Variants in DNAH17 observed in about 807,000 individuals in gnomAD.
DNAH17 encodes the protein dynein axonemal heavy chain 17, also known as axonemal beta dynein heavy chain 17.
Under a neutral mutation model 485.6 loss-of-function variants are expected in DNAH17, and 376 were observed. That is an observed-to-expected ratio of 0.77 (90% confidence interval 0.71 to 0.84). The LOEUF (loss-of-function observed/expected upper bound fraction) is 0.84. Among genes scored for constraint, DNAH17 ranks in the 40% least tolerant of loss-of-function variants. The probability of loss-of-function intolerance (pLI) is 0.00; values close to 1 mark genes in which losing one functional copy is unlikely to be tolerated. For missense variants in DNAH17, 6,370 were observed against 5,839.3 expected (o/e 1.09, Z -2.96); for synonymous variants, 3,031 against 2,405.9 (o/e 1.26, Z -7.60).
chr17:78,532,903 C>T (rs909272542), intron 19 of DNAH17, 167 bp from the exon 20 acceptor site: 58 of 760,282 alleles, frequency 7.6e-5, no homozygotes, highest in Admixed American at 2.4e-4. Flanking sequence ...CCTCTTTAGG[C>T]AACCTGGTGG....
intron 6 of DNAH17, 104 bp from the exon 7 acceptor site, chr17:78,570,476 G>T (rs986520885): frequency 1.4e-6 from 2 of 1,431,468 alleles, no homozygotes; most frequent in Non-Finnish European, 9.3e-7. Context: ...GTATCCAGCA[G>T]AGGGTTCCCA....
rs185700541 is a variant in DNAH17 at position 78,489,005 on chromosome 17, C to A, written c.6818+1694G>T. ...TCCAGCACTGGGAGAGGATAAATGTCTGTTGTTTGAAGCTGCCCCATTAGT... is the reference window on the plus strand; with the variant it reads ...TCCAGCACTGGGAGAGGATAAATGTATGTTGTTTGAAGCTGCCCCATTAGT... On this transcript the variant is annotated intron_variant, in intron 44 of 80. Coordinates refer to ENST00000389840, the MANE Select transcript of DNAH17 (RefSeq NM_173628.4). Among the ~76,000 whole-genome samples, 338 of 152,270 alleles carry A rather than the reference C, an allele frequency of 2.2e-3. 1 individual carries two copies. Among genetic ancestry groups the A allele is most frequent in the African/African-American group, 7.2e-3 (300 of 41,548 alleles).
chr17:78,566,002 C>T (rs2092259615), intron 11 of DNAH17, among the ~76,000 whole-genome samples: 1 of 151,984 alleles, frequency 6.6e-6, no homozygotes, highest in Non-Finnish European at 1.5e-5. Context: ...AAACAAACCC[C>T]TTAAAACTAA....
At chr17:78,456,363 G>A (rs762320360) in intron 62 of DNAH17, among the ~76,000 whole-genome samples, 1 of 152,154 alleles carries the variant, frequency 6.6e-6, no homozygotes, top group Non-Finnish European at 1.5e-5. Context: ...TAGGAATGCT[G>A]TGTTTCCTCT....
In DNAH17 at chr17:78,507,643, G is replaced by C. The variant is rs1438674259; in HGVS notation, c.4399C>G (p.His1467Asp). 3 of 1,613,934 alleles carry C rather than the reference G, an allele frequency of 1.9e-6. No individual in the cohort carries two copies. In the African/African-American group the frequency reaches 4.0e-5, roughly 22 times the overall value. The change falls in exon 28 of 81, where the codon CAC becomes GAC. Residue 1467 changes from histidine (H) to aspartate (D), a missense_variant. His to Asp is a moderately conservative substitution (Grantham distance 81, BLOSUM62 -1). Coordinates refer to ENST00000389840, the MANE Select transcript of DNAH17 (RefSeq NM_173628.4). ...CAGCTTGTCACCTCCTTCAGGAAGT[G>C]GGCCAGGTACTTGGACATCATCAGG... Reference protein sequence around the residue: ...QNLMMSKYLAHFLKEVTSWQQ... With the variant: ...QNLMMSKYLADFLKEVTSWQQ...
intron 8 of DNAH17, 58 bp downstream of exon 8, chr17:78,569,317 G>A (rs775610464): frequency 9.5e-5 from 153 of 1,602,682 alleles, no homozygotes; most frequent in Admixed American, 1.7e-4. Flanking sequence ...ATCAAATATC[G>A]GGGCTCATAT....
chr17:78,426,615 G>T lies in DNAH17; in HGVS notation c.12772-15C>A. On this transcript the variant is annotated splice_polypyrimidine_tract_variant and intron_variant, in intron 78 of 80. Transcript: ENST00000389840. ...GTCAGTTCTCCCTAGGAGACACACA[G>T]ATGGGTGTGGGGAGCCCTGAGCTGG... 4.4e-6 allele frequency: 7 copies of T among 1,592,212 alleles called. No individual in the cohort carries two copies. The highest frequency in any genetic ancestry group is 5.1e-6 in the Non-Finnish European group (6 of 1,167,110).
intron 55 of DNAH17, among the ~76,000 whole-genome samples, chr17:78,467,996 C>T (rs1033905369): frequency 7.2e-6 from 1 of 137,986 alleles, no homozygotes; most frequent in Non-Finnish European, 1.5e-5. Flanking sequence ...CCAGCCTGGG[C>T]GACAAGTGAA....
At position 78,454,706 on chromosome 17, in the gene DNAH17, C is replaced by T; in HGVS notation, c.10171-1G>A. On this transcript the variant is annotated splice_acceptor_variant, in intron 63 of 80. Transcript: ENST00000389840. LOFTEE classifies it high-confidence loss of function. Reference sequence around the variant, plus strand: ...GGCCATTCGTGATCGGGATGGGGACCTGCCCAGGGAGGCACACTTTCTTAG... The same window carrying T: ...GGCCATTCGTGATCGGGATGGGGACTTGCCCAGGGAGGCACACTTTCTTAG... 1 of 1,610,994 alleles carries T rather than the reference C, an allele frequency of 6.2e-7. No individual in the cohort carries two copies. The highest frequency in any genetic ancestry group is 8.5e-7 in the Non-Finnish European group (1 of 1,179,352).
rs191056062 is a variant in DNAH17, at chr17:78,515,945, T to A, written c.3865-923A>T. 8.9e-4 allele frequency among the ~76,000 whole-genome samples: 135 copies of A among 152,182 alleles called. 2 individuals are homozygous for A. Among genetic ancestry groups the A allele is most frequent in the East Asian group, 1.4e-3 (7 of 5,182 alleles). On this transcript the variant is annotated intron_variant, in intron 25 of 80. Transcript: ENST00000389840. ...ACAATATGAAACAAAATATACAAAC[T>A]ACCCAGGAATAACCCCACCAACAGT... is the stretch of plus-strand genomic sequence containing the variant.
chr17:78,507,698 C>A lies in DNAH17; in HGVS notation c.4344G>T (p.Thr1448=), dbSNP rs372915299. The A allele has an allele frequency of 1.2e-6, 2 of 1,610,528 alleles. No individual in the cohort carries two copies. Among genetic ancestry groups the A allele is most frequent in the South Asian group, 2.2e-5 (2 of 91,004 alleles). The part of the protein sequence containing the change: ...MLKSSEVLVE[T]LEDNQVQLQN... ...GCAGCTGCACCTGGTTGTCCTCCAG[C>A]GTCTCCACCAGCACCTCGCTGGACT... Residue 1448 remains threonine, a synonymous_variant, in exon 28 of 81, where the codon ACG becomes ACT. Coordinates refer to ENST00000389840, the MANE Select transcript of DNAH17 (RefSeq NM_173628.4).
At chr17:78,503,736 C>T (rs991830860) in intron 31 of DNAH17, among the ~76,000 whole-genome samples, 18 of 151,860 alleles carry the variant, frequency 1.2e-4, no homozygotes, top group Admixed American at 9.8e-4. Context: ...GAGGCTGAGG[C>T]GGGTGGATCA....
At chr17:78,429,078 A>T in intron 76 of DNAH17, 43 bp downstream of exon 76, 13 of 1,583,180 alleles carry the variant, frequency 8.2e-6, no homozygotes, top group African/African-American at 1.3e-5. Flanking sequence ...GGGAGGCACG[A>T]GCCTTCATTA....
At chr17:78,500,145 G>A (rs1241071946) in intron 36 of DNAH17, 160 bp downstream of exon 36, 5 of 762,268 alleles carry the variant, frequency 6.6e-6, no homozygotes, top group South Asian at 6.0e-5. Context: ...ACCTGAGGGG[G>A]ATGCTACCAG....
chr17:78,425,386 A>C lies in DNAH17; in HGVS notation c.13101T>G (p.Pro4367=), dbSNP rs36119275. ...CGTACACGTAGGAGCCCTCTCGCGG[A>C]GGAGCGGTCATGTCCTCTCGGTTTT... ...TKKNREDMTA[P]PREGSYVYGL... The change falls in exon 80 of 81, where the codon CCT becomes CCG. Residue 4367 remains proline (P), a synonymous_variant. Coordinates refer to ENST00000389840, the MANE Select transcript of DNAH17 (RefSeq NM_173628.4). 1 of 1,613,752 alleles carries C rather than the reference A, an allele frequency of 6.2e-7. No individual in the cohort carries two copies. The highest frequency in any genetic ancestry group is 1.7e-5 in the Admixed American group (1 of 60,004).
intron 65 of DNAH17, 36 bp downstream of exon 65, chr17:78,453,307 T>TAC: frequency 6.2e-7 from 1 of 1,607,722 alleles, no homozygotes; most frequent in Non-Finnish European, 8.5e-7. Context: ...TGAAGATGTT[T>TAC]ACCTGGCTCA....
chr17:78,426,889 C>T (rs780131093), intron 78 of DNAH17, 37 bp downstream of exon 78: 1 of 1,568,266 alleles, frequency 6.4e-7, no homozygotes, highest in Non-Finnish European at 8.6e-7. Flanking sequence ...TTTCACCATC[C>T]AGCCACGTCC....
At chr17:78,538,427 A>G (rs2091435910) in intron 18 of DNAH17, among the ~76,000 whole-genome samples, 1 of 152,178 alleles carries the variant, frequency 6.6e-6, no homozygotes, top group African/African-American at 2.4e-5. Context: ...CCAGGCTGTG[A>G]GATCACACTG....
rs771845925 is a variant in DNAH17, at chr17:78,575,029, T to G, written c.29A>C (p.Glu10Ala). The stretch of plus-strand genomic sequence containing the variant: ...GATGGAGGCAACTTCCTCCAGATAC[T>G]CTAGTCTGACGTCCGGGGCCATTGT... MTMAPDVRL[E>A]YLEEVASIVL... The change falls in exon 2 of 81, where the codon GAG becomes GCG. Residue 10 changes from glutamate to alanine, a missense_variant. Glu to Ala is a moderately radical substitution (Grantham distance 107). Coordinates refer to ENST00000389840, the MANE Select transcript of DNAH17 (RefSeq NM_173628.4). The G allele has an allele frequency of 5.6e-6, 9 of 1,613,644 alleles. No individual in the cohort carries two copies. Among genetic ancestry groups the G allele is most frequent in the Non-Finnish European group, 6.8e-6 (8 of 1,179,820 alleles).
Sources: gnomAD v4.1 joint callset for allele counts (sites outside exome capture counted in the v4.1 genomes callset) on GRCh38, gnomAD v4.1.1 for gene constraint, MANE v1.5 for transcripts, NCBI Gene and HGNC (gene_info 2026-07-23, HGNC 2026-07-21) for gene names.